EEF2K: variants seen among roughly 807,000 people sequenced by gnomAD.
The protein encoded by EEF2K is eukaryotic elongation factor 2 kinase.
In EEF2K, 70 loss-of-function variants were observed where a neutral mutation model predicts 93.8. The ratio of observed to expected loss-of-function variants is 0.75; its 90% CI spans 0.62 to 0.91. The LOEUF is 0.91. EEF2K is among the 40% of genes least tolerant of loss of function. The pLI, the probability that EEF2K is intolerant of heterozygous loss-of-function variation, is 0.00. For missense variants in EEF2K, 935 were observed against 972.9 expected, an observed-to-expected ratio of 0.96 and a Z score of 0.52; for synonymous variants, 376 against 380.8, an observed-to-expected ratio of 0.99 and a Z score of 0.15.
chr16:22,212,513 TG>T (rs1469788020), intron 1 of EEF2K, among the ~76,000 whole-genome samples: 1 of 152,004 alleles, frequency 6.6e-6, no homozygotes, highest in Non-Finnish European at 1.5e-5. Context: ...TTAGTAGAGA[TG>T]GGGTTTTCAC....
chr16:22,282,263 G>A (rs1362878127), intron 17 of EEF2K, among the ~76,000 whole-genome samples: 3 of 152,178 alleles, frequency 2.0e-5, no homozygotes, highest in Non-Finnish European at 4.4e-5. Context: ...TCAAGGTGCT[G>A]GCCAGTTTGG....
intron 6 of EEF2K, among the ~76,000 whole-genome samples, chr16:22,253,649 T>C (rs1391940003): frequency 2.6e-5 from 4 of 151,552 alleles, no homozygotes; most frequent in Admixed American, 1.3e-4. Context: ...GTCACCTCTG[T>C]CACATCATTC....
At chr16:22,268,231 T>A (rs1156495295) in intron 15 of EEF2K, among the ~76,000 whole-genome samples, 1 of 152,010 alleles carries the variant, frequency 6.6e-6, no homozygotes, top group African/African-American at 2.4e-5. Context: ...CAGGCTGGAG[T>A]GTAGTGGTGC....
At position 22,247,654 on chromosome 16, in the gene EEF2K, A is replaced by G. The variant is rs554792192; in HGVS notation, c.348-1101A>G. Among the ~76,000 whole-genome samples the G allele has an allele frequency of 2.6e-5, 4 of 152,216 alleles. No homozygotes were observed. In the South Asian group the frequency reaches 6.2e-4, roughly 24 times the overall value. The stretch of plus-strand genomic sequence containing the variant: ...CATTAGCTCATCTCCTTTTTGCCCA[A>G]TCACATTGCTTCACGCCATCCCTGC... On this transcript the variant is annotated intron_variant, in intron 3 of 17. Transcript: ENST00000263026.
At chr16:22,283,308 C>CAAAAAAA (rs10540234) in intron 17 of EEF2K, among the ~76,000 whole-genome samples, 6 of 75,830 alleles carry the variant, frequency 7.9e-5, no homozygotes, top group Non-Finnish European at 1.6e-4. Flanking sequence ...GACTCCATCT[C>CAAAAAAA]AAAAAAAAAA....
chr16:22,252,775 C>CA (rs2047363710), intron 6 of EEF2K, among the ~76,000 whole-genome samples: 1 of 152,178 alleles, frequency 6.6e-6, no homozygotes, highest in African/African-American at 2.4e-5. Context: ...GGGGAGGCCT[C>CA]ACAATCATGG....
Position 22,284,697 on chromosome 16 carries a change from C to T in EEF2K, c.*701C>T, listed in dbSNP as rs1277667991. 6.6e-6 allele frequency: 1 copy of T among 151,564 alleles called. No individual in the cohort carries two copies. The highest frequency in any genetic ancestry group is 1.9e-4 in the East Asian group (1 of 5,168). The allele number at this position is 151,564 out of a possible 1,614,324, so 9.4% of individuals were successfully genotyped here. A position where few individuals can be genotyped will look rare whatever the true frequency, so the allele number is the denominator to read the frequency against. ...GGCTGTGCTCACTAGTCTTTTCAGG[C>T]TGGACTGAAATGTCGGGCCCATGGA... On this transcript the variant is annotated 3_prime_UTR_variant, in exon 18 of 18. Transcript: ENST00000263026.
chr16:22,257,452 G>C, intron 8 of EEF2K, 67 bp downstream of exon 8: 5 of 1,587,752 alleles, frequency 3.1e-6, no homozygotes, highest in Admixed American at 1.8e-5. Context: ...TGAGTTCTTC[G>C]TACAGCCAAG....
At chr16:22,208,245 G>T (rs1195096788) in intron 1 of EEF2K, among the ~76,000 whole-genome samples, 1 of 152,270 alleles carries the variant, frequency 6.6e-6, no homozygotes, top group African/African-American at 2.4e-5. Flanking sequence ...TTTGGGCCAG[G>T]GGCGTGGTGG....
chr16:22,211,520 C>T (rs2142098227), intron 1 of EEF2K, among the ~76,000 whole-genome samples: 1 of 152,214 alleles, frequency 6.6e-6, no homozygotes, highest in African/African-American at 2.4e-5. Flanking sequence ...AGTGCAGTGG[C>T]ACAATCTTGG....
rs2047737574 is a variant in EEF2K, at chr16:22,284,735, G to T, written c.*739G>T. Reference sequence around the variant, plus strand: ...TCGGGCCCATGGAGCCCTGTGTTTTGTGCATCGGGATGAGAAATGAAGCAC... The same window carrying T: ...TCGGGCCCATGGAGCCCTGTGTTTTTTGCATCGGGATGAGAAATGAAGCAC... On this transcript the variant is annotated 3_prime_UTR_variant, in exon 18 of 18. Coordinates refer to ENST00000263026, the MANE Select transcript of EEF2K (RefSeq NM_013302.5). The T allele has an allele frequency of 6.6e-6, 1 of 151,168 alleles. No individual in the cohort carries two copies. 9.4% of individuals were successfully genotyped at this position (151,168 alleles called of 1,614,324 possible).
chr16:22,252,935 T>C (rs1231189409), intron 6 of EEF2K, among the ~76,000 whole-genome samples: 1 of 152,106 alleles, frequency 6.6e-6, no homozygotes, highest in Non-Finnish European at 1.5e-5. Flanking sequence ...CATGATTCAA[T>C]TATCTCCTAC....
In EEF2K at chr16:22,258,571, G is replaced by C. The variant is rs138328974; in HGVS notation, c.1107G>C (p.Arg369=). ...SPQVRTLSGS[R]PPLLRPLSEN... The stretch of plus-strand genomic sequence containing the variant: ...AAGTAAGGACCCTCTCTGGGAGCCG[G>C]CCACCCCTGCTCCGTCCCCTTTCAG... The change falls in exon 10 of 18, where the codon CGG becomes CGC. Residue 369 remains arginine (R), a synonymous_variant. Transcript: ENST00000263026. The C allele has an allele frequency of 2.5e-4, 402 of 1,614,066 alleles. 3 individuals carry two copies. The African/African-American group carries it at 4.9e-3, about 20-fold the overall frequency.
intron 16 of EEF2K, among the ~76,000 whole-genome samples, chr16:22,276,438 T>C (rs1018533387): frequency 3.3e-5 from 5 of 152,196 alleles, no homozygotes; most frequent in African/African-American, 1.2e-4. Flanking sequence ...TCTTCTTCCT[T>C]ATTCAAAGCA....
chr16:22,216,177 T>C (rs769808244), intron 1 of EEF2K, among the ~76,000 whole-genome samples: 6 of 152,206 alleles, frequency 3.9e-5, no homozygotes, highest in Non-Finnish European at 7.3e-5. Flanking sequence ...TTTTTGTTTC[T>C]TGTTTGAAGG....
intron 4 of EEF2K, among the ~76,000 whole-genome samples, chr16:22,249,227 G>A (rs2047325160): frequency 6.7e-6 from 1 of 149,872 alleles, no homozygotes; most frequent in South Asian, 2.1e-4. Context: ...TGCCTTGGCC[G>A]CCCAGAGTGC....
intron 6 of EEF2K, among the ~76,000 whole-genome samples, chr16:22,251,773 A>G (rs965936092): frequency 5.3e-5 from 8 of 151,978 alleles, no homozygotes; most frequent in Non-Finnish European, 1.5e-5. Flanking sequence ...TTTACTGAGC[A>G]TGATGAACCA....
chr16:22,275,591 C>T (rs2047626646), intron 16 of EEF2K, among the ~76,000 whole-genome samples: 1 of 151,882 alleles, frequency 6.6e-6, no homozygotes, highest in African/African-American at 2.4e-5. Flanking sequence ...AGTCTACCTG[C>T]CTCTGCCTCC....
At chr16:22,218,351 C>T (rs937256060) in intron 1 of EEF2K, among the ~76,000 whole-genome samples, 3 of 152,120 alleles carry the variant, frequency 2.0e-5, no homozygotes, top group Non-Finnish European at 2.9e-5. Context: ...TTGGCCAGCT[C>T]GGGGTGCCAC....
Sources: allele counts gnomAD v4.1 joint callset (sites outside exome capture counted in the v4.1 genomes callset), GRCh38; gene constraint gnomAD v4.1.1; transcripts MANE v1.5; gene names NCBI Gene and HGNC (gene_info 2026-07-23, HGNC 2026-07-21).